ANKRD11: variants seen among roughly 807,000 people sequenced by gnomAD.
ANKRD11 encodes the protein ankyrin repeat domain-containing protein 11.
A neutral mutation model predicts 195.7 loss-of-function variants in ANKRD11; 17 were observed. That is an observed-to-expected ratio of 0.09 (90% CI 0.06 to 0.13). The LOEUF (loss-of-function observed/expected upper bound fraction) is 0.13, where lower values mean the gene tolerates loss of function less well. Ranked by LOEUF, ANKRD11 falls within the 10% of genes least tolerant of loss-of-function variation. ANKRD11 has a pLI of 1.00. For missense variants in ANKRD11, 3,735 were observed against 3,566.1 expected, an observed-to-expected ratio of 1.05 and a Z score of -1.21; for synonymous variants, 1,953 against 1,528.1, an observed-to-expected ratio of 1.28 and a Z score of -6.49.
At chr16:89,391,712 T>C (rs1244129553) in intron 2 of ANKRD11, among the ~76,000 whole-genome samples, 1 of 152,162 alleles carries the variant, frequency 6.6e-6, no homozygotes, top group East Asian at 1.9e-4. Context: ...TGACAGAGAA[T>C]CAGTAAGCAC....
At chr16:89,374,834 C>A (rs1417507849) in intron 2 of ANKRD11, among the ~76,000 whole-genome samples, 1 of 152,120 alleles carries the variant, frequency 6.6e-6, no homozygotes, top group African/African-American at 2.4e-5. Flanking sequence ...CGGCAAGTCA[C>A]CCATCGATTT....
chr16:89,402,877 C>G (rs1022829861), intron 2 of ANKRD11, among the ~76,000 whole-genome samples: 1 of 151,816 alleles, frequency 6.6e-6, no homozygotes, highest in Non-Finnish European at 1.5e-5. Context: ...CCTCCAGGCT[C>G]TCCCGGGGGA....
intron 1 of ANKRD11, among the ~76,000 whole-genome samples, chr16:89,462,695 G>C (rs529586316): frequency 6.6e-6 from 1 of 151,648 alleles, no homozygotes; most frequent in East Asian, 2.0e-4. Flanking sequence ...CATCGTCTGA[G>C]ATGTGGGGAG....
Position 89,342,402 on chromosome 16 carries a change from G to C in ANKRD11, c.-59-25324C>G, listed in dbSNP as rs1041185451. Among the ~76,000 whole-genome samples, 3 of 152,254 alleles carry C rather than the reference G, an allele frequency of 2.0e-5. 1 individual carries two copies. Among genetic ancestry groups the C allele is most frequent in the Admixed American group, 6.5e-5 (1 of 15,292 alleles). On this transcript the variant is annotated intron_variant, in intron 2 of 12. Transcript: ENST00000301030. ...GAGATGTTGAGGCCTTGGGAAGACA[G>C]CATTCGGTCCAGGATAAACCAGCAA...
chr16:89,357,189 G>A (rs951718608), intron 2 of ANKRD11, among the ~76,000 whole-genome samples: 6 of 152,180 alleles, frequency 3.9e-5, no homozygotes, highest in Admixed American at 2.6e-4. Context: ...ACACACCTTC[G>A]AAGATGAGTG....
At chr16:89,452,108 AT>A (rs1265266194) in intron 1 of ANKRD11, among the ~76,000 whole-genome samples, 1 of 151,946 alleles carries the variant, frequency 6.6e-6, no homozygotes, top group Non-Finnish European at 1.5e-5. Flanking sequence ...AAATACAAAA[AT>A]TAACCAGGCA....
rs2056570770 is a variant in ANKRD11 at position 89,459,340 on chromosome 16, ACT to A, written c.-145+30903_-145+30904del. 4 of 155,362 alleles carry A rather than the reference ACT, an allele frequency of 2.6e-5. 1 individual carries two copies. Among genetic ancestry groups the A allele is most frequent in the African/African-American group, 9.6e-5 (4 of 41,452 alleles). The allele number at this position is 155,362 out of a possible 1,614,324, so 9.6% of individuals were successfully genotyped here. On this transcript the variant is annotated intron_variant, in intron 1 of 12. Transcript: ENST00000301030. ...CATCTTCAAGTTAACAAAAACAATT[ACT>A]GACTCATACGAAGAAATCGGGAAAG...
chr16:89,402,665 A>G (rs1273217084), intron 2 of ANKRD11, among the ~76,000 whole-genome samples: 3 of 112,970 alleles, frequency 2.7e-5, no homozygotes, highest in African/African-American at 1.0e-4. Flanking sequence ...GGGTGAGGTG[A>G]AGGGGGTGGT....
intron 1 of ANKRD11, among the ~76,000 whole-genome samples, chr16:89,458,078 G>A (rs896147403): frequency 6.6e-6 from 1 of 151,828 alleles, no homozygotes; most frequent in Non-Finnish European, 1.5e-5. Flanking sequence ...CTGTGCGGTG[G>A]CCCCAGGAAA....
chr16:89,271,113 G>A (rs941865925), intron 11 of ANKRD11: 7 of 624,692 alleles, frequency 1.1e-5, no homozygotes, highest in South Asian at 8.7e-5. Context: ...TAAAATGCGC[G>A]TGGAGGCAGC....
intron 2 of ANKRD11, among the ~76,000 whole-genome samples, chr16:89,413,106 C>T (rs925332569): frequency 2.0e-5 from 3 of 152,290 alleles, no homozygotes; most frequent in Non-Finnish European, 4.4e-5. Flanking sequence ...GCCACAAGTG[C>T]CCATTTTCAC....
intron 2 of ANKRD11, among the ~76,000 whole-genome samples, chr16:89,399,517 AG>A (rs1242024926): frequency 6.6e-6 from 1 of 152,126 alleles, no homozygotes; most frequent in Non-Finnish European, 1.5e-5. Context: ...GGAGGGACGG[AG>A]GGATGTGCAG....
chr16:89,399,103 G>A (rs2041585878), intron 2 of ANKRD11, among the ~76,000 whole-genome samples: 1 of 152,180 alleles, frequency 6.6e-6, no homozygotes, highest in African/African-American at 2.4e-5. Context: ...CTGACCTCCT[G>A]TCACAGCCCA....
rs57747159 is a variant in ANKRD11 at position 89,441,767 on chromosome 16, C to CAAA, written c.-144-23402_-144-23400dup. ...GGGCAACAGAGCGAGACTCCGCCTA[C>CAAA]AAAAAAAAAAAAAAAAAAAAAAAAA... On this transcript the variant is annotated intron_variant, in intron 1 of 12. Coordinates refer to ENST00000301030, the MANE Select transcript of ANKRD11 (RefSeq NM_013275.6). 5.7e-3 allele frequency among the ~76,000 whole-genome samples: 300 copies of CAAA among 52,342 alleles called. 81 individuals are homozygous for CAAA. Among genetic ancestry groups the CAAA allele is most frequent in the African/African-American group, 0.031 (272 of 8,876 alleles). 34.3% of individuals were successfully genotyped at this position (52,342 alleles called of 152,430 possible).
chr16:89,440,170 G>A (rs576628502), intron 1 of ANKRD11, among the ~76,000 whole-genome samples: 5 of 152,302 alleles, frequency 3.3e-5, no homozygotes, highest in African/African-American at 9.6e-5. Flanking sequence ...GGGGACAATG[G>A]CAGGGTTCAC....
At chr16:89,377,028 G>A (rs745926988) in intron 2 of ANKRD11, among the ~76,000 whole-genome samples, 4 of 152,174 alleles carry the variant, frequency 2.6e-5, no homozygotes, top group Non-Finnish European at 5.9e-5. Flanking sequence ...TGCTTCCATT[G>A]ATGCTTTGTC....
intron 2 of ANKRD11, among the ~76,000 whole-genome samples, chr16:89,406,846 G>A (rs544835355): frequency 1.4e-4 from 21 of 152,318 alleles, no homozygotes; most frequent in Admixed American, 5.2e-4. Context: ...GAATATGGAA[G>A]GGGAAAAGGA....
chr16:89,443,235 G>A (rs1010071005), intron 1 of ANKRD11: 1 of 152,126 alleles, frequency 6.6e-6, no homozygotes, highest in Non-Finnish European at 1.5e-5. Flanking sequence ...AAAGTGCTGG[G>A]ATTACAGGTG....
At position 89,453,887 on chromosome 16, in the gene ANKRD11, A is replaced by C. The variant is rs147498159; in HGVS notation, c.-144-35519T>G. Among the ~76,000 whole-genome samples, 399 of 152,196 alleles carry C rather than the reference A, an allele frequency of 2.6e-3. 3 individuals are homozygous for C. Among genetic ancestry groups the C allele is most frequent in the South Asian group, 4.6e-3 (22 of 4,816 alleles). The stretch of plus-strand genomic sequence containing the variant: ...GGTCCAGTGCTGGCGTCCACTCCCA[A>C]CTTCTAACTTCCCTGGGCAAGTGGC... On this transcript the variant is annotated intron_variant, in intron 1 of 12. Coordinates refer to ENST00000301030, the MANE Select transcript of ANKRD11 (RefSeq NM_013275.6).
Sources: allele counts gnomAD v4.1 joint callset (sites outside exome capture counted in the v4.1 genomes callset), GRCh38; gene constraint gnomAD v4.1.1; transcripts MANE v1.5; gene names NCBI Gene and HGNC (gene_info 2026-07-23, HGNC 2026-07-21).